The following HERC2 variants were observed in gnomAD, a reference collection of about 807,000 sequenced individuals.
HERC2 encodes the protein E3 ubiquitin-protein ligase HERC2.
Under a neutral mutation model 537.7 loss-of-function variants are expected in HERC2, and 102 were observed. The ratio of observed to expected loss-of-function variants is 0.19; its 90% CI spans 0.16 to 0.22. The LOEUF is 0.22. Among genes scored for constraint, HERC2 ranks in the 10% least tolerant of loss-of-function variants. The pLI is 1.00. For missense variants in HERC2, 4,236 were observed against 6,198.2 expected (o/e 0.68, Z 10.63); for synonymous variants, 2,224 against 2,466.2 (o/e 0.90, Z 2.91).
chr15:28,219,258 C>A (rs1312982319), intron 37 of HERC2, among the ~76,000 whole-genome samples: 1 of 152,210 alleles, frequency 6.6e-6, no homozygotes, highest in Non-Finnish European at 1.5e-5. Context: ...GACGCTCATG[C>A]AGCCCGCTTG....
At chr15:28,218,425 A>G (rs1261317048) in intron 38 of HERC2, 64 bp downstream of exon 38, 1 of 1,415,664 alleles carries the variant, frequency 7.1e-7, no homozygotes, top group Non-Finnish European at 9.7e-7. Context: ...CCACATGAAC[A>G]CCCAGACACA....
chr15:28,174,306 C>G, intron 65 of HERC2, 89 bp downstream of exon 65: 2 of 935,006 alleles, frequency 2.1e-6, no homozygotes, highest in Non-Finnish European at 3.2e-6. Context: ...GGCACTACAA[C>G]CTCTAATTGT....
chr15:28,259,829 A>C lies in HERC2; in HGVS notation c.2316+948T>G, dbSNP rs1410633921. Among the ~76,000 whole-genome samples, 4 of 151,646 alleles carry C rather than the reference A, an allele frequency of 2.6e-5. No homozygotes were observed. In the East Asian group the frequency reaches 7.8e-4, roughly 30 times the overall value. On this transcript the variant is annotated intron_variant, in intron 16 of 92. Coordinates refer to ENST00000261609, the MANE Select transcript of HERC2 (RefSeq NM_004667.6). Reference sequence around the variant, plus strand: ...AAAAAAATACAAAAATTAGCCAGGCATGGTAGTGCACACCTATAATCCCAG... The same window carrying C: ...AAAAAAATACAAAAATTAGCCAGGCCTGGTAGTGCACACCTATAATCCCAG...
chr15:28,296,473 G>A (rs986400435), intron 3 of HERC2, among the ~76,000 whole-genome samples: 9 of 151,842 alleles, frequency 5.9e-5, no homozygotes, highest in South Asian at 2.1e-4. Context: ...ACTCCCTCTC[G>A]AGAGGAAAAA....
chr15:28,175,527 G>A lies in HERC2; in HGVS notation c.9816C>T (p.Val3272=), dbSNP rs777464861. ...VAVGALHCLA[V]TDSGQVYAWG... Reference sequence around the variant, plus strand: ...GCAGCCTTACCTGCCCCGAGTCCGTGACCGCCAGGCAGTGCAGGGCCCCGA... The same window carrying A: ...GCAGCCTTACCTGCCCCGAGTCCGTAACCGCCAGGCAGTGCAGGGCCCCGA... Residue 3272 remains valine, a synonymous_variant, in exon 64 of 93, where the codon GTC becomes GTT. Transcript: ENST00000261609. 3 of 1,612,834 alleles carry A rather than the reference G, an allele frequency of 1.9e-6. No individual in the cohort carries two copies. In the Admixed American group the frequency reaches 5.0e-5, roughly 27 times the overall value.
At position 28,145,237 on chromosome 15, in the gene HERC2, G is replaced by C. The variant is rs1255962867; in HGVS notation, c.11009-433C>G. ...AAGAACCCTAGCTCTCCCAACAAAA[G>C]GCCTATGTGTGTGGTTCAGCACGGC... On this transcript the variant is annotated intron_variant, in intron 71 of 92. Coordinates refer to ENST00000261609, the MANE Select transcript of HERC2 (RefSeq NM_004667.6). 2.6e-5 allele frequency among the ~76,000 whole-genome samples: 4 copies of C among 152,238 alleles called. No homozygotes were observed. In the East Asian group the frequency reaches 7.7e-4, roughly 29 times the overall value.
chr15:28,228,181 C>A, intron 35 of HERC2, 37 bp downstream of exon 35: 1 of 1,557,086 alleles, frequency 6.4e-7, no homozygotes. Context: ...AAAATCTTGA[C>A]ATTTTCCCAA....
intron 2 of HERC2, among the ~76,000 whole-genome samples, chr15:28,299,841 C>G (rs1358692784): frequency 6.6e-6 from 1 of 151,916 alleles, no homozygotes; most frequent in Non-Finnish European, 1.5e-5. Context: ...CACGGGGGAT[C>G]AGGAATTTGA....
At chr15:28,158,287 T>C (rs1401521327) in intron 69 of HERC2, among the ~76,000 whole-genome samples, 15 of 152,208 alleles carry the variant, frequency 9.9e-5, no homozygotes. Context: ...TTCCTGGATA[T>C]CCTTGTTAAC....
At chr15:28,274,095 G>A (rs1195651947) in intron 7 of HERC2, among the ~76,000 whole-genome samples, 196 bp downstream of exon 7, 2 of 152,174 alleles carry the variant, frequency 1.3e-5, no homozygotes, top group African/African-American at 4.8e-5. Flanking sequence ...AGCTTCCTGG[G>A]TCTAGTCAGA....
chr15:28,298,165 T>C (rs1484590755), intron 3 of HERC2, among the ~76,000 whole-genome samples: 1 of 151,198 alleles, frequency 6.6e-6, no homozygotes, highest in South Asian at 2.1e-4. Flanking sequence ...TTGTTTTTTT[T>C]TTTTTTGAGA....
intron 86 of HERC2, 121 bp downstream of exon 86, chr15:28,121,225 T>C: frequency 1.3e-6 from 1 of 796,924 alleles, no homozygotes; most frequent in Non-Finnish European, 2.1e-6. Flanking sequence ...AGGTGGCACC[T>C]GCTCTTTAAA....
At chr15:28,171,385 TAAG>T (rs911804904) in intron 65 of HERC2, among the ~76,000 whole-genome samples, 3 of 152,118 alleles carry the variant, frequency 2.0e-5, no homozygotes, top group African/African-American at 7.2e-5. Flanking sequence ...AGCTATACGT[TAAG>T]AAGATACTGA....
At chr15:28,186,459 T>A in intron 56 of HERC2, 118 bp downstream of exon 56, 1 of 707,496 alleles carries the variant, frequency 1.4e-6, no homozygotes, top group Non-Finnish European at 2.2e-6. Flanking sequence ...TTACCAATCG[T>A]GTGGACATAA....
At chr15:28,255,263 A>C (rs2075220297) in intron 19 of HERC2, among the ~76,000 whole-genome samples, 1 of 152,188 alleles carries the variant, frequency 6.6e-6, no homozygotes, top group South Asian at 2.1e-4. Flanking sequence ...TGAGCCTAGG[A>C]GGACAAGGCT....
chr15:28,136,811 C>T (rs1451452181), intron 78 of HERC2, among the ~76,000 whole-genome samples: 1 of 152,102 alleles, frequency 6.6e-6, no homozygotes, highest in African/African-American at 2.4e-5. Context: ...TTTACCAACC[C>T]CCACCCTAGA....
chr15:28,290,889 G>GC (rs2076292134), intron 4 of HERC2, among the ~76,000 whole-genome samples: 1 of 152,108 alleles, frequency 6.6e-6, no homozygotes, highest in Non-Finnish European at 1.5e-5. Flanking sequence ...AATGATCTAA[G>GC]CCTTTGCCTT....
At chr15:28,133,664 G>A (rs1291256638) in intron 79 of HERC2, among the ~76,000 whole-genome samples, 2 of 152,150 alleles carry the variant, frequency 1.3e-5, no homozygotes, top group African/African-American at 2.4e-5. Context: ...CTTGCCATAG[G>A]TTATCCAATT....
Position 28,177,107 on chromosome 15 carries a change from A to T in HERC2, c.9275T>A (p.Leu3092Gln). The T allele has an allele frequency of 6.2e-7, 1 of 1,612,682 alleles. No individual in the cohort carries two copies. Among genetic ancestry groups the T allele is most frequent in the Non-Finnish European group, 8.5e-7 (1 of 1,178,932 alleles). Residue 3092 changes from leucine (L) to glutamine (Q), a missense_variant, in exon 61 of 93, where the codon CTG becomes CAG. Physicochemically the swap from Leu to Gln is moderately radical, Grantham distance 113. This residue lies in a region of HERC2 where 606 missense variants were observed against 884.5 expected (regional missense o/e 0.69). Transcript: ENST00000261609. The surrounding 1 kb of genome is among the most constrained non-coding windows in gnomAD (Gnocchi z 5.0). ...FSRMNCDKPR[L>Q]IEALKTKRIR... Reference sequence around the variant, plus strand: ...ACGCTTGGTTTTCAGGGCCTCGATCAGCCTTGGTTTGTCACAGTTCCTACA... The same window carrying T: ...ACGCTTGGTTTTCAGGGCCTCGATCTGCCTTGGTTTGTCACAGTTCCTACA...
Sources: allele counts gnomAD v4.1 joint callset (sites outside exome capture counted in the v4.1 genomes callset), GRCh38; gene constraint gnomAD v4.1.1; regional missense constraint gnomAD v4.1.1; non-coding constraint Gnocchi (gnomAD v3.1); transcripts MANE v1.5; gene names NCBI Gene and HGNC (gene_info 2026-07-23, HGNC 2026-07-21).